Variants in RBMS1 observed in about 807,000 individuals in gnomAD.
The protein encoded by RBMS1 is RNA-binding motif, single-stranded-interacting protein 1.
A neutral mutation model predicts 62.3 loss-of-function variants in RBMS1; 17 were observed. The observed-to-expected ratio is 0.27, with a 90% CI of 0.19 to 0.41. The LOEUF is 0.41. Ranked by LOEUF, RBMS1 falls within the 10% of genes least tolerant of loss-of-function variation. The pLI, the probability that RBMS1 is intolerant of heterozygous loss-of-function variation, is 1.00. For missense variants in RBMS1, 334 were observed against 504.5 expected (o/e 0.66, Z 3.24); for synonymous variants, 172 against 170.0 (o/e 1.01, Z -0.09).
chr2:160,296,030 GC>G (rs1398159182), intron 6 of RBMS1, among the ~76,000 whole-genome samples: 1 of 152,222 alleles, frequency 6.6e-6, no homozygotes, highest in Non-Finnish European at 1.5e-5. Context: ...CCCTGCTCGT[GC>G]AAAGGCTGAC....
chr2:160,471,691 GTATATATATA>G lies in RBMS1; in HGVS notation c.75+21588_75+21597del, dbSNP rs368982549. Among the ~76,000 whole-genome samples, 80 of 65,944 alleles carry G rather than the reference GTATATATATA, an allele frequency of 1.2e-3. 8 individuals are homozygous for G. Among genetic ancestry groups the G allele is most frequent in the South Asian group, 4.0e-3 (5 of 1,248 alleles). 43.3% of individuals were successfully genotyped at this position (65,944 alleles called of 152,430 possible). A position where few individuals can be genotyped will look rare whatever the true frequency, so the allele number is the denominator to read the frequency against. On this transcript the variant is annotated intron_variant, in intron 1 of 13. Transcript: ENST00000348849. The stretch of plus-strand genomic sequence containing the variant: ...AATCATGTTTGGGAAATCCTTTGGT[GTATATATATA>G]TATATATATATATATAACCTTTCAT...
At chr2:160,296,832 A>C (rs746366152) in intron 6 of RBMS1, among the ~76,000 whole-genome samples, 5 of 152,240 alleles carry the variant, frequency 3.3e-5, no homozygotes, top group Non-Finnish European at 5.9e-5. Flanking sequence ...ACTCTGTTCT[A>C]ATTCTTGTGG....
chr2:160,407,968 C>G, intron 1 of RBMS1: 1 of 957,956 alleles, frequency 1.0e-6, no homozygotes, highest in Non-Finnish European at 1.2e-6. Flanking sequence ...CCAGGCCCAC[C>G]CGCGCCTCCC....
chr2:160,331,565 A>T (rs1691274952), intron 2 of RBMS1, among the ~76,000 whole-genome samples: 1 of 152,226 alleles, frequency 6.6e-6, no homozygotes, highest in Non-Finnish European at 1.5e-5. Context: ...TGAAAATAAT[A>T]AACATTTGAC....
intron 1 of RBMS1, among the ~76,000 whole-genome samples, chr2:160,486,681 A>C (rs1457693071): frequency 6.6e-6 from 1 of 152,248 alleles, no homozygotes; most frequent in Non-Finnish European, 1.5e-5. Flanking sequence ...AAAGAATTAA[A>C]GCTGGCTGAT....
intron 2 of RBMS1, among the ~76,000 whole-genome samples, chr2:160,327,512 C>T (rs114072659): frequency 6.6e-6 from 1 of 151,806 alleles, no homozygotes; most frequent in Non-Finnish European, 1.5e-5. Flanking sequence ...ATTTATTACA[C>T]AGACTTGCTA....
At chr2:160,339,515 C>T (rs1442574436) in intron 2 of RBMS1, among the ~76,000 whole-genome samples, 7 of 152,084 alleles carry the variant, frequency 4.6e-5, no homozygotes, top group Non-Finnish European at 7.4e-5. Context: ...CTGGGAAAAG[C>T]ATCTGTAAAT....
intron 1 of RBMS1, among the ~76,000 whole-genome samples, chr2:160,484,948 T>C (rs144986559): frequency 6.6e-6 from 1 of 152,230 alleles, no homozygotes; most frequent in East Asian, 1.9e-4. Context: ...AGACAGAATT[T>C]TTACTTTGTC....
At chr2:160,389,409 C>A (rs2105207130) in intron 1 of RBMS1, among the ~76,000 whole-genome samples, 1 of 152,222 alleles carries the variant, frequency 6.6e-6, no homozygotes, top group Middle Eastern at 3.4e-3. Flanking sequence ...TAAAAAACAA[C>A]TCAGCAGGAT....
intron 4 of RBMS1, among the ~76,000 whole-genome samples, chr2:160,307,448 A>T (rs1689599161): frequency 1.3e-5 from 2 of 151,978 alleles, no homozygotes; most frequent in African/African-American, 4.8e-5. Flanking sequence ...CCATAGGAGG[A>T]AATGAAAGGC....
At chr2:160,478,881 G>A (rs1454808761) in intron 1 of RBMS1, among the ~76,000 whole-genome samples, 1 of 152,216 alleles carries the variant, frequency 6.6e-6, no homozygotes, top group Non-Finnish European at 1.5e-5. Context: ...CTAATTGTAT[G>A]ATGATTCCTG....
chr2:160,358,914 TAC>T (rs1336528349), intron 2 of RBMS1, among the ~76,000 whole-genome samples: 1 of 152,136 alleles, frequency 6.6e-6, no homozygotes, highest in Non-Finnish European at 1.5e-5. Flanking sequence ...ATTCACTAGA[TAC>T]AGATTTCAGT....
At chr2:160,406,969 CTCTT>C (rs1182954352) in intron 1 of RBMS1, among the ~76,000 whole-genome samples, 1 of 152,120 alleles carries the variant, frequency 6.6e-6, no homozygotes, top group East Asian at 1.9e-4. Flanking sequence ...CTGTTTCTTT[CTCTT>C]TTTTTTTCTT....
intron 3 of RBMS1, among the ~76,000 whole-genome samples, chr2:160,314,638 A>G (rs1690110546): frequency 1.3e-5 from 2 of 152,188 alleles, no homozygotes; most frequent in Non-Finnish European, 2.9e-5. Flanking sequence ...GACTACAGAA[A>G]TAGATGTTTC....
chr2:160,314,880 C>T (rs530664486), intron 3 of RBMS1, among the ~76,000 whole-genome samples: 20 of 152,174 alleles, frequency 1.3e-4, no homozygotes, highest in East Asian at 5.8e-4. Flanking sequence ...CATGCTAACA[C>T]GCAACAAAGC....
intron 4 of RBMS1, 24 bp downstream of exon 4, chr2:160,313,132 A>C: frequency 6.3e-7 from 1 of 1,597,582 alleles, no homozygotes; most frequent in Non-Finnish European, 8.6e-7. Flanking sequence ...GGAACAGAGA[A>C]GCAATTGCTG....
chr2:160,355,144 A>G (rs894401636), intron 2 of RBMS1, among the ~76,000 whole-genome samples: 4 of 152,166 alleles, frequency 2.6e-5, no homozygotes, highest in Non-Finnish European at 1.5e-5. Flanking sequence ...CTAAGAAAAT[A>G]ATTAAGTATT....
chr2:160,273,840 CA>C lies in RBMS1; in HGVS notation c.*931del. On this transcript the variant is annotated 3_prime_UTR_variant, in exon 14 of 14. Coordinates refer to ENST00000348849, the MANE Select transcript of RBMS1 (RefSeq NM_016836.4). ...CATACAGCAGATATCCTAAATCAGT[CA>C]AACTATCAGAGGAAACTGTTGGCGT... 1 of 151,432 alleles carries C rather than the reference CA, an allele frequency of 6.6e-6. No homozygotes were observed. The highest frequency in any genetic ancestry group is 3.4e-3 in the Middle Eastern group (1 of 294). The allele number at this position is 151,432 out of a possible 1,614,324, so 9.4% of individuals were successfully genotyped here. A position where few individuals can be genotyped will look rare whatever the true frequency, so the allele number is the denominator to read the frequency against.
At chr2:160,329,965 T>A (rs1208578293) in intron 2 of RBMS1, among the ~76,000 whole-genome samples, 3 of 152,080 alleles carry the variant, frequency 2.0e-5, no homozygotes, top group Admixed American at 2.0e-4. Flanking sequence ...CTAGATTGGA[T>A]TAGTAAATAG....
Sources: gnomAD v4.1 joint callset for allele counts (sites outside exome capture counted in the v4.1 genomes callset) on GRCh38, gnomAD v4.1.1 for gene constraint, MANE v1.5 for transcripts, NCBI Gene and HGNC (gene_info 2026-07-23, HGNC 2026-07-21) for gene names.